CYB5D2: variants seen among roughly 807,000 people sequenced by gnomAD.
CYB5D2 encodes neuferricin.
Under a neutral mutation model 22.8 loss-of-function variants are expected in CYB5D2, and 23 were observed. That is an observed-to-expected ratio of 1.01 (90% confidence interval 0.73 to 1.43). The LOEUF (loss-of-function observed/expected upper bound fraction) is 1.43. CYB5D2 is among the 40% of genes most tolerant of loss of function. The pLI, the probability that CYB5D2 is intolerant of heterozygous loss-of-function variation, is 0.00. For synonymous variants in CYB5D2, 170 were observed against 152.2 expected (o/e 1.12, Z -0.86); for missense variants, 373 against 357.2 (o/e 1.04, Z -0.36).
At chr17:4,150,303 GAAC>G (rs1233290531) in intron 2 of CYB5D2, among the ~76,000 whole-genome samples, 1 of 152,160 alleles carries the variant, frequency 6.6e-6, no homozygotes, top group Non-Finnish European at 1.5e-5. Context: ...CACCATCCTT[GAAC>G]AACCAGCTCC....
intron 1 of CYB5D2, among the ~76,000 whole-genome samples, chr17:4,144,936 A>G (rs968807555): frequency 2.6e-5 from 4 of 152,068 alleles, no homozygotes; most frequent in Admixed American, 6.5e-5. Flanking sequence ...ACAGGCGCCC[A>G]CCACCACGCC....
At chr17:4,144,220 C>G (rs2058948809) in intron 1 of CYB5D2, among the ~76,000 whole-genome samples, 2 of 152,154 alleles carry the variant, frequency 1.3e-5, no homozygotes, top group Admixed American at 1.3e-4. Flanking sequence ...CCACCACCGC[C>G]CTGCGTGACT....
chr17:4,152,698 G>C (rs963145559), intron 2 of CYB5D2, among the ~76,000 whole-genome samples: 1 of 152,232 alleles, frequency 6.6e-6, no homozygotes, highest in African/African-American at 2.4e-5. Flanking sequence ...TAGACTGCAG[G>C]CCTGTGACTC....
At chr17:4,150,969 T>C (rs187278247) in intron 2 of CYB5D2, 1 of 152,274 alleles carries the variant, frequency 6.6e-6, no homozygotes, top group African/African-American at 2.4e-5. Context: ...GGAGTCCTAC[T>C]TGGACATGAC....
intron 2 of CYB5D2, among the ~76,000 whole-genome samples, chr17:4,153,252 A>C (rs1183884506): frequency 1.3e-5 from 2 of 152,110 alleles, no homozygotes; most frequent in Admixed American, 6.5e-5. Flanking sequence ...ATGACCGTTA[A>C]GCTGAGACCG....
At position 4,154,795 on chromosome 17, in the gene CYB5D2, A is replaced by G. The variant is rs1185318076; in HGVS notation, c.513A>G (p.Thr171=). The G allele has an allele frequency of 1.2e-6, 2 of 1,614,210 alleles. No individual in the cohort carries two copies. The highest frequency in any genetic ancestry group is 2.2e-5 in the South Asian group (2 of 91,086). ...AACTACAGCTGCAAGAGAAGCAGAC[A>G]TTCCCGCCGTGCAACGCGGAGTGGA... is the stretch of plus-strand genomic sequence containing the variant. ...ANKLQLQEKQ[T]FPPCNAEWSS... Residue 171 remains threonine (T), a synonymous_variant, in exon 3 of 4, where the codon ACA becomes ACG. Transcript: ENST00000301391.
chr17:4,150,271 C>A (rs918380446), intron 2 of CYB5D2, among the ~76,000 whole-genome samples: 13 of 152,186 alleles, frequency 8.5e-5, no homozygotes, highest in African/African-American at 3.1e-4. Flanking sequence ...GCCTCAGTTT[C>A]GCCATAGCCA....
At chr17:4,148,078 AG>A (rs1052726270) in intron 1 of CYB5D2, among the ~76,000 whole-genome samples, 7 of 152,114 alleles carry the variant, frequency 4.6e-5, no homozygotes, top group African/African-American at 1.7e-4. Context: ...GGCTTCCTTG[AG>A]GTTTGCTGTA....
intron 3 of CYB5D2, 28 bp downstream of exon 3, chr17:4,154,888 C>T: frequency 6.3e-7 from 1 of 1,593,836 alleles, no homozygotes; most frequent in Non-Finnish European, 8.6e-7. Context: ...CTTCTCCTTT[C>T]TGCCTGTCCC....
intron 1 of CYB5D2, among the ~76,000 whole-genome samples, chr17:4,148,695 G>C (rs976425420): frequency 5.9e-5 from 9 of 151,930 alleles, no homozygotes; most frequent in African/African-American, 2.2e-4. Flanking sequence ...ATGTTGGTGC[G>C]CATCTGTAGT....
Position 4,154,817 on chromosome 17 carries a change from T to C in CYB5D2, c.535T>C (p.Trp179Arg), listed in dbSNP as rs142095753. 1.7e-4 allele frequency: 281 copies of C among 1,614,118 alleles called. 1 individual carries two copies. In the East Asian group the frequency reaches 4.6e-3, roughly 26 times the overall value. The part of the protein sequence containing the change: ...KQTFPPCNAE[W>R]SSARGSRLWC... ...GACATTCCCGCCGTGCAACGCGGAG[T>C]GGAGCTCAGCCAGGGGCAGCCGGCT... Residue 179 changes from tryptophan (W) to arginine (R), a missense_variant, in exon 3 of 4, where the codon TGG (tryptophan) becomes CGG (arginine). Coordinates refer to ENST00000301391, the MANE Select transcript of CYB5D2 (RefSeq NM_144611.4).
chr17:4,144,234 A>G (rs73972061), intron 1 of CYB5D2, among the ~76,000 whole-genome samples: 4,968 of 152,078 alleles, frequency 0.033, 285 homozygotes, highest in African/African-American at 0.11. Flanking sequence ...CGTGACTTAC[A>G]TTGGAGAAAC....
rs569419597 is a variant in CYB5D2 at position 4,155,641 on chromosome 17, A to G, written c.578+781A>G. Among the ~76,000 whole-genome samples the G allele has an allele frequency of 3.3e-5, 5 of 152,312 alleles. No homozygotes were observed. The South Asian group carries it at 1.0e-3, about 32-fold the overall frequency. On this transcript the variant is annotated intron_variant, in intron 3 of 3. Transcript: ENST00000301391. ...GCTCACTTTATGGAGAGAAGCTAAG[A>G]TAGGCGTGGGCCTTCCTGTGACACA...
Position 4,150,010 on chromosome 17 carries a change from G to A in CYB5D2, c.370G>A (p.Glu124Lys). The A allele has an allele frequency of 1.2e-6, 2 of 1,614,132 alleles. No homozygotes were observed. The highest frequency in any genetic ancestry group is 1.1e-5 in the South Asian group (1 of 91,076). ...LTLHNWLSFY[E>K]KNYVCVGRVT... Reference sequence around the variant, plus strand: ...ACTTCACAATTGGCTTTCATTCTATGAGAAGAATTATGTGTGTGTTGGTAA... The same window carrying A: ...ACTTCACAATTGGCTTTCATTCTATAAGAAGAATTATGTGTGTGTTGGTAA... The change falls in exon 2 of 4, where the codon GAG (glutamate) becomes AAG (lysine). Residue 124 changes from glutamate to lysine, a missense_variant. By Grantham distance (56) the Glu-to-Lys change is moderately conservative (BLOSUM62 1). Coordinates refer to ENST00000301391, the MANE Select transcript of CYB5D2 (RefSeq NM_144611.4).
intron 2 of CYB5D2, among the ~76,000 whole-genome samples, chr17:4,151,747 G>T (rs4790576): frequency 0.5 from 76,143 of 151,558 alleles, 21,455 homozygotes; most frequent in East Asian, 0.74. Context: ...GCTCATGCCT[G>T]TAATCCCAGC....
intron 1 of CYB5D2, 115 bp downstream of exon 1, chr17:4,144,120 C>T (rs1373249130): frequency 2.8e-6 from 4 of 1,406,796 alleles, no homozygotes; most frequent in South Asian, 2.8e-5. Context: ...ACCCCACATC[C>T]ATCAAACCCG....
Position 4,155,626 on chromosome 17 carries a change from T to C in CYB5D2, c.578+766T>C, listed in dbSNP as rs926958050. On this transcript the variant is annotated intron_variant, in intron 3 of 3. Transcript: ENST00000301391. ...GTGAGAACCTGGCCTGCTCACTTTATGGAGAGAAGCTAAGATAGGCGTGGG... is the reference window on the plus strand; with the variant it reads ...GTGAGAACCTGGCCTGCTCACTTTACGGAGAGAAGCTAAGATAGGCGTGGG... 2.6e-5 allele frequency among the ~76,000 whole-genome samples: 4 copies of C among 152,286 alleles called. No homozygotes were observed. The East Asian group carries it at 5.8e-4, about 22-fold the overall frequency.
At chr17:4,156,822 A>C in intron 3 of CYB5D2, 44 bp from the exon 4 acceptor site, 2 of 1,602,236 alleles carry the variant, frequency 1.2e-6, no homozygotes, top group Non-Finnish European at 1.7e-6. Context: ...CCAGAGACTC[A>C]TGAGTTCTCA....
Position 4,143,916 on chromosome 17 carries a change from G to T in CYB5D2, c.161G>T (p.Gly54Val). The T allele has an allele frequency of 1.9e-6, 3 of 1,613,812 alleles. No homozygotes were observed. Among genetic ancestry groups the T allele is most frequent in the Non-Finnish European group, 1.7e-6 (2 of 1,180,004 alleles). ...TACCGCGGCGGCCCAGGGGACCCGG[G>T]CCTGTACTTGGCGTTGCTCGGCCGT... ...SRYRGGPGDP[G>V]LYLALLGRVY... is the part of the protein sequence containing the mutation. The change falls in exon 1 of 4, where the codon GGC (glycine) becomes GTC (valine). Residue 54 changes from glycine (G) to valine (V), a missense_variant. Physicochemically the swap from Gly to Val is moderately radical, Grantham distance 109. Coordinates refer to ENST00000301391, the MANE Select transcript of CYB5D2 (RefSeq NM_144611.4).
Sources: allele counts gnomAD v4.1 joint callset (sites outside exome capture counted in the v4.1 genomes callset), GRCh38; gene constraint gnomAD v4.1.1; transcripts MANE v1.5; gene names NCBI Gene and HGNC (gene_info 2026-07-23, HGNC 2026-07-21).